Variants in ABCA1 observed in about 807,000 individuals in gnomAD.
The protein encoded by ABCA1 is ATP binding cassette subfamily A member 1.
ABCA1 carries 133 observed loss-of-function variants against 262.5 expected under a neutral mutation model. The observed-to-expected ratio is 0.51, with a 90% confidence interval of 0.44 to 0.59. The LOEUF (loss-of-function observed/expected upper bound fraction) is 0.59, where lower values mean the gene tolerates loss of function less well. Ranked by LOEUF, ABCA1 falls within the 20% of genes least tolerant of loss-of-function variation. The pLI, the probability that ABCA1 is intolerant of heterozygous loss-of-function variation, is 0.00. For synonymous variants in ABCA1, 1,022 were observed against 1,043.5 expected (o/e 0.98, Z 0.40); for missense variants, 2,452 against 2,777.5 (o/e 0.88, Z 2.63).
chr9:104,897,261 C>T lies in ABCA1; in HGVS notation c.66+6353G>A, dbSNP rs139224452. Among the ~76,000 whole-genome samples, 112 of 152,212 alleles carry T rather than the reference C, an allele frequency of 7.4e-4. 1 individual carries two copies. The highest frequency in any genetic ancestry group is 1.3e-3 in the Non-Finnish European group (90 of 68,004). ...TGATTTTTAAAACCAGGCCTGCCTT[C>T]CCTGAACTACAAAGTCTCATGCATT... is the stretch of plus-strand genomic sequence containing the variant. On this transcript the variant is annotated intron_variant, in intron 2 of 49. Transcript: ENST00000374736.
chr9:104,794,592 G>T, intron 39 of ABCA1, 82 bp from the exon 40 acceptor site: 1 of 1,520,462 alleles, frequency 6.6e-7, no homozygotes, highest in South Asian at 1.2e-5. Context: ...TCCTAAAAAT[G>T]TATCAAGTTC....
intron 24 of ABCA1, 57 bp from the exon 25 acceptor site, chr9:104,816,402 G>A: frequency 6.5e-7 from 1 of 1,547,380 alleles, no homozygotes; most frequent in Non-Finnish European, 8.9e-7. Context: ...TTCGGAGTGA[G>A]GGCTGGCCAT....
chr9:104,850,914 C>A (rs533255521), intron 7 of ABCA1, among the ~76,000 whole-genome samples: 4 of 152,224 alleles, frequency 2.6e-5, no homozygotes, highest in Admixed American at 1.3e-4. Flanking sequence ...GAAAATAAAA[C>A]CTTTAGTGAG....
At chr9:104,826,002 A>C in intron 16 of ABCA1, 115 bp from the exon 17 acceptor site, 1 of 1,022,092 alleles carries the variant, frequency 9.8e-7, no homozygotes, top group East Asian at 2.6e-5. Context: ...ATCAATCATA[A>C]GGTGCAGAAG....
At position 104,837,084 on chromosome 9, in the gene ABCA1, A is replaced by G; in HGVS notation, c.1207T>C (p.Phe403Leu). The G allele has an allele frequency of 6.2e-7, 1 of 1,613,374 alleles. No homozygotes were observed. Among genetic ancestry groups the G allele is most frequent in the Non-Finnish European group, 8.5e-7 (1 of 1,179,982 alleles). The change falls in exon 11 of 50, where the codon TTC (phenylalanine) becomes CTC (leucine). Residue 403 changes from phenylalanine to leucine, a missense_variant. Coordinates refer to ENST00000374736, the MANE Select transcript of ABCA1 (RefSeq NM_005502.4). ...TCATGGAACACAGCCAGTTCCTGGA[A>G]GGTCTTGTTCACCTGGAGTCAGGTG... ...RQVMAEVNKTFQELAVFHDLE... is the reference protein window; with the variant it reads ...RQVMAEVNKTLQELAVFHDLE...
At chr9:104,920,420 CATT>C (rs1166523933) in intron 1 of ABCA1, among the ~76,000 whole-genome samples, 1 of 152,094 alleles carries the variant, frequency 6.6e-6, no homozygotes, top group Non-Finnish European at 1.5e-5. Flanking sequence ...TAATAACTGT[CATT>C]GTTATCATCT....
intron 7 of ABCA1, among the ~76,000 whole-genome samples, chr9:104,856,691 A>G (rs1021373002): frequency 9.9e-5 from 15 of 152,246 alleles, no homozygotes; most frequent in Non-Finnish European, 2.1e-4. Context: ...ATGAGTAAAC[A>G]GAAGTGAAAT....
At chr9:104,857,831 T>A (rs192930989) in intron 7 of ABCA1, among the ~76,000 whole-genome samples, 23 of 152,346 alleles carry the variant, frequency 1.5e-4, no homozygotes, top group Admixed American at 1.2e-3. Flanking sequence ...TAAATGATGA[T>A]GTTTGGGGTA....
Position 104,830,801 on chromosome 9 carries a change from A to G in ABCA1, c.1892+124T>C. 3.5e-6 allele frequency: 4 copies of G among 1,134,116 alleles called. No homozygotes were observed. The South Asian group carries it at 5.0e-5, about 14-fold the overall frequency. 70.3% of individuals were successfully genotyped at this position (1,134,116 alleles called of 1,614,324 possible). ...GTCTGTCATGTGGCTGCAACTGTTG[A>G]CAACTTACATCTGGCATCTTATTTC... On this transcript the variant is annotated intron_variant, in intron 14 of 49. Coordinates refer to ENST00000374736, the MANE Select transcript of ABCA1 (RefSeq NM_005502.4).
chr9:104,806,813 G>C (rs897426150), intron 30 of ABCA1, among the ~76,000 whole-genome samples: 1 of 152,104 alleles, frequency 6.6e-6, no homozygotes, highest in African/African-American at 2.4e-5. Context: ...TGCCTTCATG[G>C]AGGTGTATGC....
chr9:104,875,951 G>C (rs1201599096), intron 5 of ABCA1, among the ~76,000 whole-genome samples: 2 of 152,176 alleles, frequency 1.3e-5, no homozygotes, highest in Non-Finnish European at 1.5e-5. Context: ...AATGATCTTT[G>C]CGGTCCCACA....
At position 104,829,143 on chromosome 9, in the gene ABCA1, A is replaced by G; in HGVS notation, c.1893-5T>C. On this transcript the variant is annotated splice_region_variant and splice_polypyrimidine_tract_variant and intron_variant, in intron 14 of 49. Coordinates refer to ENST00000374736, the MANE Select transcript of ABCA1 (RefSeq NM_005502.4). ...CGGCTCATCACCCGCAGAAAGCTGGAGGCCCCAAGGAAGGACAAGGGGAGA... is the reference window on the plus strand; with the variant it reads ...CGGCTCATCACCCGCAGAAAGCTGGGGGCCCCAAGGAAGGACAAGGGGAGA... 1 of 1,614,102 alleles carries G rather than the reference A, an allele frequency of 6.2e-7. No individual in the cohort carries two copies. Among genetic ancestry groups the G allele is most frequent in the East Asian group, 2.2e-5 (1 of 44,874 alleles).
chr9:104,827,849 C>T (rs1380016421), intron 15 of ABCA1, among the ~76,000 whole-genome samples: 1 of 152,178 alleles, frequency 6.6e-6, no homozygotes, highest in Non-Finnish European at 1.5e-5. Context: ...CTTGACCTTC[C>T]TGAGCCTCAT....
At chr9:104,795,719 G>A (rs1222947952) in intron 39 of ABCA1, among the ~76,000 whole-genome samples, 1 of 152,146 alleles carries the variant, frequency 6.6e-6, no homozygotes, top group African/African-American at 2.4e-5. Flanking sequence ...CACCAAGAGA[G>A]GTGATGGTAA....
At chr9:104,864,543 A>G (rs1836914246) in intron 5 of ABCA1, among the ~76,000 whole-genome samples, 1 of 152,158 alleles carries the variant, frequency 6.6e-6, no homozygotes, top group Admixed American at 6.5e-5. Flanking sequence ...GAGTCATTTC[A>G]TGTAGTTGTG....
intron 6 of ABCA1, among the ~76,000 whole-genome samples, chr9:104,861,179 C>A (rs965744292): frequency 6.6e-6 from 1 of 152,162 alleles, no homozygotes. Flanking sequence ...GCTGCAGGGA[C>A]TGATCTCCTA....
Position 104,816,172 on chromosome 9 carries a change from A to G in ABCA1, c.3709T>C (p.Tyr1237His). ...TCCAGGGTCGTCTCTGAGATGCCATAACTAGAAATGCCCAGGTCTGAGAGC... is the reference window on the plus strand; with the variant it reads ...TCCAGGGTCGTCTCTGAGATGCCATGACTAGAAATGCCCAGGTCTGAGAGC... ...DRLSDLGISSYGISETTLEEI... is the reference protein window; with the variant it reads ...DRLSDLGISSHGISETTLEEI... Residue 1237 changes from tyrosine (Y) to histidine (H), a missense_variant, in exon 25 of 50, where the codon TAT (tyrosine) becomes CAT (histidine). Around this residue, in one of 4 missense-constraint regions of ABCA1, gnomAD observed 665 missense variants for 727.3 expected, o/e 0.91. Transcript: ENST00000374736. The G allele has an allele frequency of 1.2e-6, 2 of 1,614,178 alleles. No homozygotes were observed. Among genetic ancestry groups the G allele is most frequent in the Non-Finnish European group, 1.7e-6 (2 of 1,180,032 alleles).
In ABCA1 at chr9:104,903,697, C is replaced by G. The variant is rs1800978; in HGVS notation, c.-18G>C. On this transcript the variant is annotated 5_prime_UTR_variant, in exon 2 of 50. Coordinates refer to ENST00000374736, the MANE Select transcript of ABCA1 (RefSeq NM_005502.4). Reference sequence around the variant, plus strand: ...CAAGCCATGTTCCCTCAGCCAGCACCCCCAGCGTGTGGCTCGGGAGCCCTG... The same window carrying G: ...CAAGCCATGTTCCCTCAGCCAGCACGCCCAGCGTGTGGCTCGGGAGCCCTG... 0.13 allele frequency: 203,836 copies of G among 1,571,042 alleles called. 14,702 individuals carry two copies. Among genetic ancestry groups the G allele is most frequent in the South Asian group, 0.23 (19,324 of 85,676 alleles).
intron 9 of ABCA1, among the ~76,000 whole-genome samples, chr9:104,839,858 C>T (rs1351888863): frequency 3.3e-5 from 5 of 152,302 alleles, no homozygotes; most frequent in Admixed American, 2.0e-4. Context: ...ATAGTCATCA[C>T]GATGTACATC....
Sources: allele counts gnomAD v4.1 joint callset (sites outside exome capture counted in the v4.1 genomes callset), GRCh38; gene constraint gnomAD v4.1.1; regional missense constraint gnomAD v4.1.1; transcripts MANE v1.5; gene names NCBI Gene and HGNC (gene_info 2026-07-23, HGNC 2026-07-21).